Variants in DOK6 observed in about 807,000 individuals in gnomAD.
DOK6 encodes downstream of tyrosine kinase 6.
DOK6 carries 22 observed loss-of-function variants against 44.0 expected under a neutral mutation model. That is an observed-to-expected ratio of 0.50 (90% confidence interval 0.36 to 0.71). The LOEUF (loss-of-function observed/expected upper bound fraction) is 0.71, where lower values mean the gene tolerates loss of function less well. Among genes scored for constraint, DOK6 ranks in the 30% least tolerant of loss-of-function variants. The pLI is 0.00. For missense variants in DOK6, 340 were observed against 416.4 expected, an observed-to-expected ratio of 0.82 and a Z score of 1.60; for synonymous variants, 166 against 145.5, an observed-to-expected ratio of 1.14 and a Z score of -1.01.
At chr18:69,509,863 A>G (rs1206988658) in intron 1 of DOK6, among the ~76,000 whole-genome samples, 4 of 152,202 alleles carry the variant, frequency 2.6e-5, no homozygotes, top group Non-Finnish European at 5.9e-5. Context: ...TGAGATTCTC[A>G]GGGTGTTATG....
chr18:69,759,413 G>GA (rs537838607), intron 7 of DOK6, among the ~76,000 whole-genome samples: 3 of 151,956 alleles, frequency 2.0e-5, no homozygotes, highest in African/African-American at 7.2e-5. Context: ...ATGTTTAAAT[G>GA]AAAAAAACTA....
chr18:69,795,319 T>G (rs1469094887), intron 7 of DOK6, among the ~76,000 whole-genome samples: 7 of 152,176 alleles, frequency 4.6e-5, no homozygotes, highest in African/African-American at 1.4e-4. Flanking sequence ...GTTTAAGCTT[T>G]AAAATGCTTA....
chr18:69,524,598 C>A (rs1442673), intron 1 of DOK6, among the ~76,000 whole-genome samples: 1 of 151,612 alleles, frequency 6.6e-6, no homozygotes, highest in Non-Finnish European at 1.5e-5. Context: ...CAAAATAAAT[C>A]TAGGTCAGAC....
chr18:69,626,189 T>G (rs1423470627), intron 3 of DOK6, among the ~76,000 whole-genome samples: 2 of 152,220 alleles, frequency 1.3e-5, no homozygotes, highest in South Asian at 2.1e-4. Context: ...CTAAAAATTG[T>G]TTAGTGACAT....
chr18:69,754,657 C>T (rs1293010805), intron 6 of DOK6, among the ~76,000 whole-genome samples: 1 of 152,156 alleles, frequency 6.6e-6, no homozygotes, highest in East Asian at 1.9e-4. Context: ...TGAGGCCTCT[C>T]TTCTTGACTT....
At chr18:69,482,324 A>T (rs1357276151) in intron 1 of DOK6, among the ~76,000 whole-genome samples, 1 of 151,990 alleles carries the variant, frequency 6.6e-6, no homozygotes, top group Non-Finnish European at 1.5e-5. Flanking sequence ...ATGGTATTGC[A>T]CGTGCACTGA....
rs372958644 is a variant in DOK6, at chr18:69,659,962, T to TTATA, written c.290-17762_290-17759dup. On this transcript the variant is annotated intron_variant, in intron 3 of 7. Transcript: ENST00000382713. ...TATATATATAACATATATGTATGTT[T>TTATA]TATATATATATATGTATATAAAGAA... is the stretch of plus-strand genomic sequence containing the variant. 25 of 66,846 alleles carry TTATA rather than the reference T, an allele frequency of 3.7e-4. 1 individual carries two copies. In the South Asian group the frequency reaches 7.9e-3, roughly 21 times the overall value. The allele number at this position is 66,846 out of a possible 1,614,324, so 4.1% of individuals were successfully genotyped here.
intron 5 of DOK6, among the ~76,000 whole-genome samples, chr18:69,736,447 A>G (rs1978610464): frequency 6.6e-6 from 1 of 152,142 alleles, no homozygotes; most frequent in Admixed American, 6.5e-5. Flanking sequence ...CCAACATCCT[A>G]TTTTAGATAA....
intron 1 of DOK6, among the ~76,000 whole-genome samples, chr18:69,522,573 T>C (rs1981717188): frequency 6.6e-6 from 1 of 152,012 alleles, no homozygotes; most frequent in Non-Finnish European, 1.5e-5. Context: ...GATTTAAAAA[T>C]TAATGATTAA....
intron 5 of DOK6, among the ~76,000 whole-genome samples, chr18:69,703,866 ATTAAAG>A (rs1490269177): frequency 1.3e-5 from 2 of 152,216 alleles, no homozygotes; most frequent in African/African-American, 4.8e-5. Context: ...TATAGATGGA[ATTAAAG>A]TTAAATGAAG....
intron 1 of DOK6, among the ~76,000 whole-genome samples, chr18:69,519,903 G>C (rs954053833): frequency 2.0e-5 from 3 of 151,718 alleles, no homozygotes; most frequent in African/African-American, 7.3e-5. Flanking sequence ...CATTTAATAA[G>C]TTGTGTTTCT....
intron 7 of DOK6, among the ~76,000 whole-genome samples, chr18:69,788,464 T>C (rs1228132628): frequency 6.6e-6 from 1 of 152,198 alleles, no homozygotes; most frequent in African/African-American, 2.4e-5. Flanking sequence ...GTTCCATTTT[T>C]ATTATGCAGA....
Position 69,490,614 on chromosome 18 carries a change from C to T in DOK6, c.67-73873C>T, listed in dbSNP as rs1041603388. On this transcript the variant is annotated intron_variant, in intron 1 of 7. Coordinates refer to ENST00000382713, the MANE Select transcript of DOK6 (RefSeq NM_152721.6). ...TATTCACTTAAAAAAATCTTAAGAT[C>T]AAAGACAAAAGTTATGACCATCTAC... Among the ~76,000 whole-genome samples, 7 of 152,042 alleles carry T rather than the reference C, an allele frequency of 4.6e-5. No homozygotes were observed. In the South Asian group the frequency reaches 8.3e-4, roughly 18 times the overall value.
intron 2 of DOK6, among the ~76,000 whole-genome samples, chr18:69,586,437 T>C (rs1374235293): frequency 6.6e-6 from 1 of 152,216 alleles, no homozygotes; most frequent in East Asian, 1.9e-4. Flanking sequence ...GCTACTCTTT[T>C]GTTCCCTGTT....
chr18:69,665,350 G>T (rs1985628899), intron 3 of DOK6, among the ~76,000 whole-genome samples: 1 of 152,158 alleles, frequency 6.6e-6, no homozygotes, highest in African/African-American at 2.4e-5. Context: ...CTTGTGAAAT[G>T]AGATGGGATA....
intron 5 of DOK6, among the ~76,000 whole-genome samples, chr18:69,731,507 G>A (rs541415207): frequency 1.3e-5 from 2 of 152,102 alleles, no homozygotes; most frequent in South Asian, 4.1e-4. Flanking sequence ...TTTTCTATTT[G>A]GCTATGATAC....
intron 1 of DOK6, among the ~76,000 whole-genome samples, chr18:69,424,945 C>T (rs967149202): frequency 1.2e-4 from 19 of 152,156 alleles, no homozygotes; most frequent in African/African-American, 3.9e-4. Context: ...AGGACAAAGG[C>T]GTAGGGGTCT....
At chr18:69,619,421 A>C (rs936814581) in intron 3 of DOK6, among the ~76,000 whole-genome samples, 1 of 152,340 alleles carries the variant, frequency 6.6e-6, no homozygotes, top group Middle Eastern at 3.4e-3. Flanking sequence ...TACCACCTTC[A>C]TGATCGTGGG....
At chr18:69,538,266 G>A (rs1982174507) in intron 1 of DOK6, among the ~76,000 whole-genome samples, 1 of 152,134 alleles carries the variant, frequency 6.6e-6, no homozygotes, top group South Asian at 2.1e-4. Flanking sequence ...TGAATACTAG[G>A]GAGACCGCTT....
Sources: allele counts gnomAD v4.1 joint callset (sites outside exome capture counted in the v4.1 genomes callset), GRCh38; gene constraint gnomAD v4.1.1; transcripts MANE v1.5; gene names NCBI Gene and HGNC (gene_info 2026-07-23, HGNC 2026-07-21).